RASGRF1: variants seen among roughly 807,000 people sequenced by gnomAD.
The protein encoded by RASGRF1 is Ras protein specific guanine nucleotide releasing factor 1.
Under a neutral mutation model 138.7 loss-of-function variants are expected in RASGRF1, and 40 were observed. The ratio of observed to expected loss-of-function variants is 0.29; its 90% confidence interval spans 0.22 to 0.38. The LOEUF is 0.38. Ranked by LOEUF, RASGRF1 falls within the 10% of genes least tolerant of loss-of-function variation. RASGRF1 has a pLI of 1.00. For missense variants in RASGRF1, 1,108 were observed against 1,650.4 expected (o/e 0.67, Z 5.69); for synonymous variants, 614 against 663.2 (o/e 0.93, Z 1.14).
At chr15:79,005,228 G>T in intron 14 of RASGRF1, 3 of 985,562 alleles carry the variant, frequency 3.0e-6, no homozygotes, top group Non-Finnish European at 3.6e-6. Context: ...AAGAGGGAAC[G>T]GGTGTATTCT....
chr15:78,970,621 C>CA (rs55689628), intron 26 of RASGRF1, among the ~76,000 whole-genome samples: 1,433 of 57,550 alleles, frequency 0.025, 38 homozygotes, highest in Non-Finnish European at 0.031. Context: ...GACTCTGTCT[C>CA]AAAAAAAAAA....
chr15:78,992,959 A>C (rs1362570545), intron 20 of RASGRF1, among the ~76,000 whole-genome samples: 4 of 150,278 alleles, frequency 2.7e-5, no homozygotes, highest in African/African-American at 9.8e-5. Context: ...AAGTGGTTCC[A>C]AGTCATGTGA....
chr15:79,066,234 T>C (rs946978783), intron 1 of RASGRF1, among the ~76,000 whole-genome samples: 34 of 152,142 alleles, frequency 2.2e-4, no homozygotes, highest in Non-Finnish European at 1.0e-4. Flanking sequence ...GTATTCTCTG[T>C]GTTACAGCTG....
At chr15:79,028,167 T>C (rs770857297) in intron 8 of RASGRF1, among the ~76,000 whole-genome samples, 2 of 152,198 alleles carry the variant, frequency 1.3e-5, no homozygotes, top group African/African-American at 2.4e-5. Flanking sequence ...GTCTGAACTA[T>C]GTAGAACAGA....
intron 15 of RASGRF1, 88 bp downstream of exon 15, chr15:79,003,714 A>C (rs1403700541): frequency 1.3e-5 from 19 of 1,497,498 alleles, no homozygotes; most frequent in Non-Finnish European, 1.6e-5. Context: ...TGGGAGCAGG[A>C]AGAGCAGCCC....
intron 24 of RASGRF1, chr15:78,979,185 C>T (rs1267421178): frequency 5.5e-6 from 7 of 1,280,426 alleles, no homozygotes; most frequent in Non-Finnish European, 7.1e-6. Context: ...GGCTGGACAG[C>T]ACAGATGGGT....
At chr15:79,009,681 A>G (rs2141738632) in intron 13 of RASGRF1, among the ~76,000 whole-genome samples, 1 of 151,604 alleles carries the variant, frequency 6.6e-6, no homozygotes, top group African/African-American at 2.4e-5. Flanking sequence ...AAACCTCACA[A>G]TCACTGTTGG....
chr15:79,047,581 C>G (rs1291169010), intron 4 of RASGRF1, among the ~76,000 whole-genome samples: 1 of 152,194 alleles, frequency 6.6e-6, no homozygotes, highest in Non-Finnish European at 1.5e-5. Flanking sequence ...ATACTTAGCC[C>G]TCATCAGCGG....
chr15:79,034,659 A>G (rs1380160427), intron 6 of RASGRF1, among the ~76,000 whole-genome samples: 1 of 151,698 alleles, frequency 6.6e-6, no homozygotes, highest in African/African-American at 2.4e-5. Flanking sequence ...GAAAATGCTT[A>G]TGGGATAATG....
chr15:79,090,248 G>T lies in RASGRF1; in HGVS notation c.251C>A (p.Ser84Ter). The change falls in exon 1 of 27, where the codon TCG (serine) becomes TAG (stop). Residue 84 changes from serine to a stop codon, truncating the protein, a stop_gained. Transcript: ENST00000558480. LOFTEE classifies it high-confidence loss of function. ...DRAPSPKPAL[S>*]AKEPLEKQHY... is the part of the protein sequence containing the mutation. ...CTGTTTCTCCAGCGGCTCCTTGGCCGACAGCGCCGGCTTGGGGGAGGGCGC... is the reference window on the plus strand; with the variant it reads ...CTGTTTCTCCAGCGGCTCCTTGGCCTACAGCGCCGGCTTGGGGGAGGGCGC... 1.2e-6 allele frequency: 2 copies of T among 1,608,678 alleles called. No individual in the cohort carries two copies. The highest frequency in any genetic ancestry group is 2.2e-5 in the East Asian group (1 of 44,794).
intron 6 of RASGRF1, among the ~76,000 whole-genome samples, chr15:79,033,581 CTTTTTTT>C (rs71148586): frequency 9.6e-5 from 9 of 93,958 alleles, no homozygotes; most frequent in South Asian, 3.8e-4. Context: ...TTTTTCTTTT[CTTTTTTT>C]TTTTTTTTTT....
intron 25 of RASGRF1, among the ~76,000 whole-genome samples, chr15:78,972,524 C>T (rs1325227316): frequency 6.6e-6 from 1 of 151,878 alleles, no homozygotes; most frequent in Non-Finnish European, 1.5e-5. Flanking sequence ...GCATAAGCTA[C>T]CTAACATCAC....
chr15:79,054,497 T>A (rs1466688157), intron 3 of RASGRF1, among the ~76,000 whole-genome samples: 1 of 152,176 alleles, frequency 6.6e-6, no homozygotes, highest in African/African-American at 2.4e-5. Flanking sequence ...AATGGTGGGA[T>A]TGTATTTCCC....
At position 79,087,180 on chromosome 15, in the gene RASGRF1, G is replaced by A. The variant is rs144298823; in HGVS notation, c.276+3043C>T. Among the ~76,000 whole-genome samples, 19 of 152,342 alleles carry A rather than the reference G, an allele frequency of 1.2e-4. No individual in the cohort carries two copies. In the East Asian group the frequency reaches 3.1e-3, roughly 25 times the overall value. On this transcript the variant is annotated intron_variant, in intron 1 of 26. Coordinates refer to ENST00000558480, the MANE Select transcript of RASGRF1 (RefSeq NM_001145648.3). ...GGTGCCAGAGCGCCTTGCATATCCCGCTATTAGAGCATCTTCACGGGGTGA... is the reference window on the plus strand; with the variant it reads ...GGTGCCAGAGCGCCTTGCATATCCCACTATTAGAGCATCTTCACGGGGTGA...
chr15:79,055,483 C>G (rs2057498973), intron 3 of RASGRF1, among the ~76,000 whole-genome samples: 1 of 152,060 alleles, frequency 6.6e-6, no homozygotes, highest in Non-Finnish European at 1.5e-5. Context: ...CTTTCAAAGT[C>G]TTCTTTAAAA....
At chr15:79,011,089 C>T (rs2056786208) in intron 13 of RASGRF1, among the ~76,000 whole-genome samples, 1 of 152,132 alleles carries the variant, frequency 6.6e-6, no homozygotes, top group Non-Finnish European at 1.5e-5. Context: ...CACCTTTCTC[C>T]AGCTAGGCTA....
intron 4 of RASGRF1, among the ~76,000 whole-genome samples, chr15:79,048,230 C>A (rs1399011008): frequency 1.3e-5 from 2 of 152,108 alleles, no homozygotes; most frequent in African/African-American, 2.4e-5. Context: ...GGGGCCCTGG[C>A]AGTTCCTAGA....
At chr15:79,035,081 C>A in intron 6 of RASGRF1, 50 bp downstream of exon 6, 3 of 1,505,592 alleles carry the variant, frequency 2.0e-6, no homozygotes, top group Non-Finnish European at 2.7e-6. Context: ...TTTGGGGTGG[C>A]CCCTGGAGGG....
At chr15:78,976,812 C>T (rs1196925700) in intron 24 of RASGRF1, among the ~76,000 whole-genome samples, 1 of 152,262 alleles carries the variant, frequency 6.6e-6, no homozygotes. Context: ...GAGGTCCAGT[C>T]TTGCCCTTGG....
Sources: allele counts gnomAD v4.1 joint callset (sites outside exome capture counted in the v4.1 genomes callset), GRCh38; gene constraint gnomAD v4.1.1; transcripts MANE v1.5; gene names NCBI Gene and HGNC (gene_info 2026-07-23, HGNC 2026-07-21).